DOCK4: variants seen among roughly 807,000 people sequenced by gnomAD.
The protein encoded by DOCK4 is dedicator of cytokinesis protein 4.
Under a neutral mutation model 268.1 loss-of-function variants are expected in DOCK4, and 97 were observed. That is an observed-to-expected ratio of 0.36 (90% confidence interval 0.31 to 0.43). DOCK4 has a LOEUF of 0.43. Ranked by LOEUF, DOCK4 falls within the 20% of genes least tolerant of loss-of-function variation. DOCK4 has a pLI of 1.00. For missense variants in DOCK4, 2,145 were observed against 2,455.7 expected (o/e 0.87, Z 2.67); for synonymous variants, 954 against 887.2 (o/e 1.08, Z -1.34).
rs574873276 is a variant in DOCK4 at position 111,727,081 on chromosome 7, T to C, written c.*1193A>G. 6.5e-6 allele frequency: 1 copy of C among 152,728 alleles called. No homozygotes were observed. The highest frequency in any genetic ancestry group is 2.1e-4 in the South Asian group (1 of 4,830). 9.5% of individuals were successfully genotyped at this position (152,728 alleles called of 1,614,324 possible). ...GTCAGTAAAAGAAAAAACAAAGATATAAAATACATTACTACATACAAGGTG... is the reference window on the plus strand; with the variant it reads ...GTCAGTAAAAGAAAAAACAAAGATACAAAATACATTACTACATACAAGGTG... On this transcript the variant is annotated 3_prime_UTR_variant, in exon 53 of 53. Coordinates refer to ENST00000428084, the MANE Select transcript of DOCK4 (RefSeq NM_001363540.2).
intron 12 of DOCK4, among the ~76,000 whole-genome samples, chr7:111,933,846 T>C (rs1311224745): frequency 6.6e-6 from 1 of 152,178 alleles, no homozygotes; most frequent in Non-Finnish European, 1.5e-5. Flanking sequence ...TCACCACTCA[T>C]TATAGTCTGA....
chr7:111,750,937 A>G (rs1416178818), intron 42 of DOCK4, among the ~76,000 whole-genome samples: 1 of 152,252 alleles, frequency 6.6e-6, no homozygotes, highest in African/African-American at 2.4e-5. Flanking sequence ...TGTAGAATAC[A>G]GCATTATCTT....
chr7:111,851,629 C>T, intron 23 of DOCK4, among the ~76,000 whole-genome samples: 1 of 151,916 alleles, frequency 6.6e-6, no homozygotes, highest in Middle Eastern at 3.2e-3. Context: ...TTTAAGATCC[C>T]TATTTGTTGC....
At chr7:112,027,421 C>T (rs879738191) in intron 1 of DOCK4, among the ~76,000 whole-genome samples, 6 of 152,120 alleles carry the variant, frequency 3.9e-5, no homozygotes, top group African/African-American at 7.2e-5. Flanking sequence ...GACAGGGTTT[C>T]ACCATGTTGG....
intron 25 of DOCK4, among the ~76,000 whole-genome samples, chr7:111,840,092 A>G (rs1435016649): frequency 6.6e-6 from 1 of 152,186 alleles, no homozygotes; most frequent in Non-Finnish European, 1.5e-5. Context: ...AAAACTCTGT[A>G]GTCTTCAGTG....
intron 16 of DOCK4, among the ~76,000 whole-genome samples, chr7:111,882,757 C>A (rs943168997): frequency 6.6e-6 from 1 of 152,112 alleles, no homozygotes; most frequent in African/African-American, 2.4e-5. Context: ...GAATTACATG[C>A]ATGCACCACC....
At chr7:112,008,877 C>T (rs1202655968) in intron 1 of DOCK4, among the ~76,000 whole-genome samples, 1 of 152,108 alleles carries the variant, frequency 6.6e-6, no homozygotes, top group Non-Finnish European at 1.5e-5. Context: ...GCCTGTAATC[C>T]CAGCTACTTG....
intron 12 of DOCK4, among the ~76,000 whole-genome samples, chr7:111,924,982 C>CA (rs112142019): frequency 7.9e-5 from 12 of 151,746 alleles, no homozygotes; most frequent in Non-Finnish European, 1.3e-4. Context: ...ACTTGTACTA[C>CA]AAAAAATTAC....
intron 12 of DOCK4, among the ~76,000 whole-genome samples, chr7:111,918,458 T>C (rs1215466030): frequency 6.6e-6 from 1 of 152,240 alleles, no homozygotes; most frequent in Non-Finnish European, 1.5e-5. Flanking sequence ...ATAAGCCATC[T>C]GGATGATTTG....
intron 1 of DOCK4, among the ~76,000 whole-genome samples, chr7:112,088,392 T>C (rs553646650): frequency 3.5e-4 from 53 of 152,280 alleles, no homozygotes; most frequent in African/African-American, 1.2e-3. Context: ...GTATCTCCTA[T>C]ATAATTAATG....
chr7:111,786,503 A>C (rs1185875359), intron 32 of DOCK4, among the ~76,000 whole-genome samples: 1 of 152,246 alleles, frequency 6.6e-6, no homozygotes, highest in African/African-American at 2.4e-5. Context: ...AAGATGTAGT[A>C]TGCATTAATG....
At chr7:111,940,957 T>C (rs1480165265) in intron 10 of DOCK4, among the ~76,000 whole-genome samples, 1 of 152,210 alleles carries the variant, frequency 6.6e-6, no homozygotes, top group Non-Finnish European at 1.5e-5. Context: ...CAAATTTGTC[T>C]CTAGGTGCTT....
chr7:112,014,843 T>C (rs1211525817), intron 1 of DOCK4, among the ~76,000 whole-genome samples: 1 of 152,138 alleles, frequency 6.6e-6, no homozygotes, highest in Non-Finnish European at 1.5e-5. Context: ...TGTTCCAGGC[T>C]GCAGTGAGCT....
At chr7:111,770,563 T>C (rs1798068781) in intron 36 of DOCK4, among the ~76,000 whole-genome samples, 1 of 152,226 alleles carries the variant, frequency 6.6e-6, no homozygotes, top group African/African-American at 2.4e-5. Context: ...CTTGCCATTC[T>C]GCAGGTCTCT....
intron 49 of DOCK4, among the ~76,000 whole-genome samples, chr7:111,738,669 G>A (rs1250178629): frequency 6.6e-6 from 1 of 152,238 alleles, no homozygotes; most frequent in Non-Finnish European, 1.5e-5. Flanking sequence ...CGGGAGTGGT[G>A]GCTCATGCCT....
chr7:111,881,572 G>A (rs1017928517), intron 16 of DOCK4, among the ~76,000 whole-genome samples: 4 of 152,068 alleles, frequency 2.6e-5, no homozygotes, highest in African/African-American at 9.7e-5. Flanking sequence ...CCCCCTACTG[G>A]ATATATATTG....
At chr7:111,912,619 A>G (rs1260974267) in intron 13 of DOCK4, among the ~76,000 whole-genome samples, 4 of 152,134 alleles carry the variant, frequency 2.6e-5, no homozygotes, top group African/African-American at 9.7e-5. Flanking sequence ...GAGGAGGAGA[A>G]GGAAAGAAGA....
intron 22 of DOCK4, among the ~76,000 whole-genome samples, chr7:111,866,517 A>T (rs1320896566): frequency 1.3e-5 from 2 of 152,214 alleles, no homozygotes; most frequent in African/African-American, 4.8e-5. Flanking sequence ...AAGGTGCTAA[A>T]GTTGTTTCTA....
intron 1 of DOCK4, among the ~76,000 whole-genome samples, chr7:112,187,785 T>C (rs1819599748): frequency 1.3e-5 from 2 of 152,220 alleles, no homozygotes; most frequent in South Asian, 4.1e-4. Context: ...GTGAGTGCTA[T>C]AATTTGGATG....
Sources: gnomAD v4.1 joint callset for allele counts (sites outside exome capture counted in the v4.1 genomes callset) on GRCh38, gnomAD v4.1.1 for gene constraint, MANE v1.5 for transcripts, NCBI Gene and HGNC (gene_info 2026-07-23, HGNC 2026-07-21) for gene names.